LMF1: variants seen among roughly 807,000 people sequenced by gnomAD.
LMF1 encodes transmembrane protein 112.
Under a neutral mutation model 60.6 loss-of-function variants are expected in LMF1, and 68 were observed. The ratio of observed to expected loss-of-function variants is 1.12; its 90% CI spans 0.92 to 1.37. The LOEUF is 1.37. LMF1 is among the 40% of genes most tolerant of loss of function. The pLI is 0.00. For missense variants in LMF1, 948 were observed against 767.2 expected, an observed-to-expected ratio of 1.24 and a Z score of -2.78; for synonymous variants, 418 against 324.7, an observed-to-expected ratio of 1.29 and a Z score of -3.09.
At chr16:909,080 T>G (rs77471754) in intron 4 of LMF1, among the ~76,000 whole-genome samples, 2,518 of 152,238 alleles carry the variant, frequency 0.017, 71 homozygotes, top group African/African-American at 0.057. Flanking sequence ...GTGCTCATCA[T>G]GAGAGGCCAT....
chr16:926,245 C>T lies in LMF1; in HGVS notation c.514+7999G>A, dbSNP rs376268933. On this transcript the variant is annotated intron_variant, in intron 3 of 10. Coordinates refer to ENST00000262301, the MANE Select transcript of LMF1 (RefSeq NM_022773.4). ...TGCACGTTTGCATATGATCTGCATA[C>T]GTATGTCTGTGTGTGCATGCATGCA... 1.0e-4 allele frequency among the ~76,000 whole-genome samples: 15 copies of T among 149,026 alleles called. No homozygotes were observed. The East Asian group carries it at 1.2e-3, about 12-fold the overall frequency.
chr16:865,579 C>T (rs966063067), intron 10 of LMF1, among the ~76,000 whole-genome samples: 1 of 152,100 alleles, frequency 6.6e-6, no homozygotes, highest in Admixed American at 6.5e-5. Context: ...TTTATTATCT[C>T]TGGTTTTTAG....
At chr16:980,974 C>T (rs958770551) in intron 1 of LMF1, 1 of 152,372 alleles carries the variant, frequency 6.6e-6, no homozygotes, top group African/African-American at 2.4e-5. Flanking sequence ...CCCGGCGGCC[C>T]CAGGGACTCA....
At chr16:879,433 G>C (rs1171638537) in intron 6 of LMF1, 137 bp downstream of exon 6, 2 of 1,025,758 alleles carry the variant, frequency 1.9e-6, no homozygotes, top group African/African-American at 1.6e-5. Flanking sequence ...ACAAACGAAG[G>C]CTGGGGAGGA....
chr16:856,752 GCAGA>G (rs2069195062), intron 10 of LMF1, among the ~76,000 whole-genome samples: 1 of 152,394 alleles, frequency 6.6e-6, no homozygotes, highest in Middle Eastern at 3.4e-3. Context: ...TTTCATTCCT[GCAGA>G]CAAAGTACCC....
rs8045372 is a variant in LMF1 at position 874,075 on chromosome 16, G to C, written c.898-2734C>G. 6.6e-6 allele frequency among the ~76,000 whole-genome samples: 1 copy of C among 152,232 alleles called. No individual in the cohort carries two copies. The highest frequency in any genetic ancestry group is 2.1e-4 in the South Asian group (1 of 4,830). ...AGGGTCTCCTTTGCCGGGTGTGGGG[G>C]GGGTATGGGAAGTTCTGGAACCAGG... On this transcript the variant is annotated intron_variant, in intron 6 of 10. Coordinates refer to ENST00000262301, the MANE Select transcript of LMF1 (RefSeq NM_022773.4). The surrounding 1 kb of genome is among the most constrained non-coding windows in gnomAD (Gnocchi z 4.1).
intron 1 of LMF1, 107 bp from the exon 2 acceptor site, chr16:954,773 A>C: frequency 9.6e-7 from 1 of 1,045,434 alleles, no homozygotes; most frequent in Non-Finnish European, 1.4e-6. Context: ...GGGGAGGCAG[A>C]GTCTGGCTGA....
intron 3 of LMF1, among the ~76,000 whole-genome samples, chr16:926,119 AAT>A (rs778830393): frequency 8.6e-5 from 13 of 150,482 alleles, no homozygotes; most frequent in East Asian, 4.0e-4. Context: ...ATATGATCTG[AAT>A]ATGTCTGTGT....
chr16:928,136 C>T (rs532522782), intron 3 of LMF1, among the ~76,000 whole-genome samples: 3 of 152,344 alleles, frequency 2.0e-5, no homozygotes, highest in Admixed American at 2.0e-4. Context: ...GTCCTGCCTC[C>T]GTGGCTCACA....
intron 5 of LMF1, among the ~76,000 whole-genome samples, chr16:888,324 T>C (rs79374201): frequency 0.016 from 2,407 of 152,294 alleles, 32 homozygotes; most frequent in East Asian, 0.062. Context: ...GTGTTGGATT[T>C]CCCGCAGCTT....
At chr16:911,196 C>T in intron 3 of LMF1, 117 bp from the exon 4 acceptor site, 1 of 1,173,034 alleles carries the variant, frequency 8.5e-7, no homozygotes, top group Non-Finnish European at 1.2e-6. Flanking sequence ...GATCTTGCTA[C>T]TGAGAGACAC....
At position 860,957 on chromosome 16, in the gene LMF1, T is replaced by C. The variant is rs566176488; in HGVS notation, c.1530-6251A>G. 9.8e-5 allele frequency among the ~76,000 whole-genome samples: 15 copies of C among 152,320 alleles called. 1 individual carries two copies. Among genetic ancestry groups the C allele is most frequent in the African/African-American group, 3.4e-4 (14 of 41,582 alleles). On this transcript the variant is annotated intron_variant, in intron 10 of 10. Transcript: ENST00000262301. ...AATGGTTTTAGCTATTTTTGCTCCT[T>C]TACATTTCCATAGAAAACTTGGGAT...
intron 2 of LMF1, among the ~76,000 whole-genome samples, chr16:952,089 C>T (rs930178325): frequency 2.6e-5 from 4 of 152,216 alleles, no homozygotes; most frequent in Admixed American, 1.3e-4. Flanking sequence ...GGTCCTGGGG[C>T]GGAGCCACGT....
chr16:958,980 G>A (rs745729200), intron 1 of LMF1, among the ~76,000 whole-genome samples: 3 of 152,182 alleles, frequency 2.0e-5, no homozygotes, highest in Non-Finnish European at 4.4e-5. Context: ...CCCTCGCTGT[G>A]CCGGGGATGC....
chr16:855,521 C>A, intron 10 of LMF1: 1 of 362,352 alleles, frequency 2.8e-6, no homozygotes, highest in Non-Finnish European at 5.4e-6. Context: ...CCCTCATGTC[C>A]AGGGTTGCTC....
At chr16:856,112 A>G in intron 10 of LMF1, 1 of 333,928 alleles carries the variant, frequency 3.0e-6, no homozygotes, top group Non-Finnish European at 6.0e-6. Context: ...CCTTTGGAAA[A>G]CCTCCCGGGC....
intron 3 of LMF1, among the ~76,000 whole-genome samples, chr16:919,148 A>G (rs2151764288): frequency 6.6e-6 from 1 of 151,498 alleles, no homozygotes; most frequent in East Asian, 1.9e-4. Flanking sequence ...GTCTGTTTTC[A>G]CTCGCGGCTT....
At chr16:870,918 C>G in intron 7 of LMF1, 36 bp from the exon 8 acceptor site, 2 of 1,569,096 alleles carry the variant, frequency 1.3e-6, no homozygotes, top group Non-Finnish European at 1.7e-6. Flanking sequence ...GTGGGGCTCC[C>G]AGCTGCCCCG....
chr16:951,614 C>A (rs373036684), intron 2 of LMF1, among the ~76,000 whole-genome samples: 5 of 152,302 alleles, frequency 3.3e-5, no homozygotes, highest in Admixed American at 6.5e-5. Flanking sequence ...GAAGACAGAC[C>A]CCCAAAGTAC....
Sources: allele counts gnomAD v4.1 joint callset (sites outside exome capture counted in the v4.1 genomes callset), GRCh38; gene constraint gnomAD v4.1.1; non-coding constraint Gnocchi (gnomAD v3.1); transcripts MANE v1.5; gene names NCBI Gene and HGNC (gene_info 2026-07-23, HGNC 2026-07-21).